ENTREP2: variants seen among roughly 807,000 people sequenced by gnomAD.
ENTREP2 encodes the protein protein ENTREP2.
At chr15:29,241,111 T>G in the ENTREP2 span, among the ~76,000 whole-genome samples, 10 of 152,226 alleles carry the variant, frequency 6.6e-5, no homozygotes, top group African/African-American at 2.4e-4. Context: ...ATGAAGATTT[T>G]GTTTGTTTTC....
chr15:29,464,695 C>T, the ENTREP2 span, among the ~76,000 whole-genome samples: 1 of 152,154 alleles, frequency 6.6e-6, no homozygotes, highest in Non-Finnish European at 1.5e-5. Flanking sequence ...CTCGTGGACC[C>T]TATGAAGAGG....
the ENTREP2 span, among the ~76,000 whole-genome samples, chr15:29,135,504 C>A: frequency 6.6e-6 from 1 of 152,088 alleles, no homozygotes; most frequent in Non-Finnish European, 1.5e-5. This position sits in a 1 kb window ranked among gnomAD's most constrained non-coding sequence, Gnocchi z 7.4. Flanking sequence ...AGCAGCATTC[C>A]ACACTGAGTC....
the ENTREP2 span, among the ~76,000 whole-genome samples, chr15:29,233,262 A>G: frequency 6.6e-6 from 1 of 152,232 alleles, no homozygotes; most frequent in Non-Finnish European, 1.5e-5. Flanking sequence ...TTTGGCTACC[A>G]GATAAGTGAG....
At chr15:29,141,954 C>G in the ENTREP2 span, among the ~76,000 whole-genome samples, 1 of 152,192 alleles carries the variant, frequency 6.6e-6, no homozygotes, top group Non-Finnish European at 1.5e-5. Flanking sequence ...TTCATTATGA[C>G]TGTAATTGCA....
the ENTREP2 span, among the ~76,000 whole-genome samples, chr15:29,261,031 T>A: frequency 3.3e-5 from 5 of 152,116 alleles, no homozygotes; most frequent in Non-Finnish European, 5.9e-5. Context: ...AGAAATAGAT[T>A]ACGCAATAAA....
the ENTREP2 span, among the ~76,000 whole-genome samples, chr15:29,371,092 G>GTACC: frequency 2.0e-5 from 3 of 151,960 alleles, no homozygotes; most frequent in African/African-American, 7.3e-5. Context: ...ACAACTTGAG[G>GTACC]TACCTCTGAA....
the ENTREP2 span, among the ~76,000 whole-genome samples, chr15:29,473,065 G>A: frequency 2.6e-5 from 4 of 152,120 alleles, no homozygotes; most frequent in African/African-American, 9.7e-5. Flanking sequence ...GGGAAGCAGG[G>A]GAGGGGCAGC....
chr15:29,282,035 T>C, the ENTREP2 span, among the ~76,000 whole-genome samples: 2 of 152,136 alleles, frequency 1.3e-5, no homozygotes. Flanking sequence ...CTAAAGTCTG[T>C]AGGTTAGAAA....
chr15:29,223,312 G>A, the ENTREP2 span, among the ~76,000 whole-genome samples: 1 of 152,156 alleles, frequency 6.6e-6, no homozygotes, highest in Non-Finnish European at 1.5e-5. Flanking sequence ...AAGTCCTCCT[G>A]GTTCTGGGCT....
chr15:29,628,476 A>T, the ENTREP2 span, among the ~76,000 whole-genome samples: 4 of 152,232 alleles, frequency 2.6e-5, no homozygotes, highest in African/African-American at 9.6e-5. Context: ...CTTGAAAAGA[A>T]TGTATACTAT....
the ENTREP2 span, among the ~76,000 whole-genome samples, chr15:29,296,459 T>C: frequency 2.0e-5 from 3 of 152,234 alleles, no homozygotes; most frequent in East Asian, 1.9e-4. Flanking sequence ...AGAACAAATA[T>C]TGGAAAAAGA....
the ENTREP2 span, among the ~76,000 whole-genome samples, chr15:29,147,648 C>T: frequency 6.6e-6 from 1 of 152,190 alleles, no homozygotes; most frequent in Non-Finnish European, 1.5e-5. Context: ...AAAGAAAGAT[C>T]ATAAATGTTG....
chr15:29,349,210 G>A, the ENTREP2 span, among the ~76,000 whole-genome samples: 1 of 152,030 alleles, frequency 6.6e-6, no homozygotes, highest in Non-Finnish European at 1.5e-5. Context: ...ATGGTACAGT[G>A]AAAAGCAAAA....
the ENTREP2 span, chr15:29,123,371 C>T: frequency 3.0e-5 from 46 of 1,543,090 alleles, no homozygotes; most frequent in Admixed American, 1.2e-4. Context: ...GCGCCGAAGA[C>T]GGCCTCCTCC....
chr15:29,406,063 G>A, the ENTREP2 span, among the ~76,000 whole-genome samples: 1 of 152,152 alleles, frequency 6.6e-6, no homozygotes, highest in South Asian at 2.1e-4. Context: ...TATAAAAATT[G>A]GGTCATCATG....
At chr15:29,132,485 T>G in the ENTREP2 span, among the ~76,000 whole-genome samples, 1 of 152,182 alleles carries the variant, frequency 6.6e-6, no homozygotes, top group African/African-American at 2.4e-5. Context: ...GGTCGTGCTG[T>G]GCCCCTGCCA....
the ENTREP2 span, among the ~76,000 whole-genome samples, chr15:29,420,533 T>C: frequency 2.6e-5 from 4 of 152,182 alleles, no homozygotes; most frequent in African/African-American, 9.7e-5. Flanking sequence ...GCAGTCAGGC[T>C]CTTAATGGCT....
the ENTREP2 span, among the ~76,000 whole-genome samples, chr15:29,193,446 C>G: frequency 6.6e-6 from 1 of 152,148 alleles, no homozygotes; most frequent in African/African-American, 2.4e-5. Flanking sequence ...GCCTTTGGAC[C>G]CTGGGACTCA....
chr15:29,151,206 G>A, the ENTREP2 span, among the ~76,000 whole-genome samples: 1 of 152,160 alleles, frequency 6.6e-6, no homozygotes, highest in Admixed American at 6.5e-5. Context: ...CGCTGCCCCT[G>A]GGAGTGACAG....
Sources: gnomAD v4.1 joint callset for allele counts (sites outside exome capture counted in the v4.1 genomes callset) on GRCh38, gnomAD v4.1.1 for gene constraint, Gnocchi (gnomAD v3.1) non-coding constraint, MANE v1.5 for transcripts, NCBI Gene and HGNC (gene_info 2026-07-23, HGNC 2026-07-21) for gene names.